SPMIP7: variants seen among roughly 807,000 people sequenced by gnomAD.
The protein encoded by SPMIP7 is protein SPMIP7.
chr7:50,107,395 AGAAAAAG>A, the SPMIP7 span, among the ~76,000 whole-genome samples: 3 of 67,102 alleles, frequency 4.5e-5, no homozygotes, highest in Admixed American at 1.8e-4. Flanking sequence ...AGAAAAGAAA[AGAAAAAG>A]AAAAAAAAAA....
At chr7:50,150,198 G>A in the SPMIP7 span, among the ~76,000 whole-genome samples, 1 of 152,194 alleles carries the variant, frequency 6.6e-6, no homozygotes, top group African/African-American at 2.4e-5. Flanking sequence ...AACCAAGGCA[G>A]CCATTGAAGA....
the SPMIP7 span, chr7:50,151,604 G>A: frequency 6.2e-6 from 8 of 1,280,604 alleles, no homozygotes; most frequent in Non-Finnish European, 8.8e-6. Context: ...CATTAGGAGG[G>A]GAAATCCTAA....
chr7:50,111,254 A>C, the SPMIP7 span, among the ~76,000 whole-genome samples: 10 of 151,912 alleles, frequency 6.6e-5, no homozygotes, highest in East Asian at 1.3e-3. Context: ...AAAAGAAAGA[A>C]AAGAGCTCTC....
At chr7:50,140,100 A>T in the SPMIP7 span, 1 of 1,349,368 alleles carries the variant, frequency 7.4e-7, no homozygotes, top group Non-Finnish European at 1.0e-6. Context: ...TTATTAACTT[A>T]ATATAAATAA....
At chr7:50,101,650 A>C in the SPMIP7 span, among the ~76,000 whole-genome samples, 6 of 152,212 alleles carry the variant, frequency 3.9e-5, no homozygotes, top group Non-Finnish European at 7.3e-5. Context: ...TAATATTAGA[A>C]TTCAAGTTTT....
At chr7:50,129,602 C>A in the SPMIP7 span, 2 of 729,446 alleles carry the variant, frequency 2.7e-6, no homozygotes, top group Non-Finnish European at 4.7e-6. Context: ...CCAAGAGGTG[C>A]GTGAAAGAAG....
chr7:50,146,649 A>G, the SPMIP7 span, among the ~76,000 whole-genome samples: 64 of 152,272 alleles, frequency 4.2e-4, 2 homozygotes, highest in East Asian at 9.6e-3. Context: ...GACAAACCCC[A>G]ACTCACAATG....
chr7:50,149,185 C>A, the SPMIP7 span, among the ~76,000 whole-genome samples: 3 of 151,876 alleles, frequency 2.0e-5, no homozygotes, highest in Non-Finnish European at 2.9e-5. Flanking sequence ...GGCATTGGTA[C>A]CTTTCAAGAT....
At chr7:50,159,158 A>G in the SPMIP7 span, 10 of 1,551,538 alleles carry the variant, frequency 6.4e-6, no homozygotes, top group East Asian at 2.4e-5. Flanking sequence ...CAAAGAAACC[A>G]TAGACTACTA....
At chr7:50,150,202 T>C in the SPMIP7 span, among the ~76,000 whole-genome samples, 3 of 152,180 alleles carry the variant, frequency 2.0e-5, no homozygotes, top group Non-Finnish European at 4.4e-5. Flanking sequence ...AAGGCAGCCA[T>C]TGAAGAACCA....
At chr7:50,154,354 G>T in the SPMIP7 span, among the ~76,000 whole-genome samples, 2 of 152,122 alleles carry the variant, frequency 1.3e-5, no homozygotes, top group Non-Finnish European at 2.9e-5. Flanking sequence ...TCTCCTGCGT[G>T]TCTGCTACTT....
chr7:50,118,445 C>A, the SPMIP7 span, among the ~76,000 whole-genome samples: 2 of 152,146 alleles, frequency 1.3e-5, no homozygotes, highest in Non-Finnish European at 2.9e-5. Flanking sequence ...ACAATAAAAA[C>A]TTCAGGTGGT....
the SPMIP7 span, among the ~76,000 whole-genome samples, chr7:50,145,610 A>ATG: frequency 1.9e-3 from 69 of 35,432 alleles, 2 homozygotes; most frequent in South Asian, 5.6e-3. Context: ...GTGTGTGTAT[A>ATG]TGTGTGTGTA....
chr7:50,100,613 C>T, the SPMIP7 span, among the ~76,000 whole-genome samples: 1 of 151,994 alleles, frequency 6.6e-6, no homozygotes, highest in Non-Finnish European at 1.5e-5. Context: ...GAGATCGAGA[C>T]CATTCAGGCT....
At chr7:50,119,962 C>G in the SPMIP7 span, among the ~76,000 whole-genome samples, 1 of 152,150 alleles carries the variant, frequency 6.6e-6, no homozygotes, top group South Asian at 2.1e-4. Flanking sequence ...CTATGTAGGC[C>G]TATGGGTGAA....
At chr7:50,098,298 C>G in the SPMIP7 span, among the ~76,000 whole-genome samples, 1 of 152,122 alleles carries the variant, frequency 6.6e-6, no homozygotes, top group African/African-American at 2.4e-5. Flanking sequence ...TCTTTATCAT[C>G]TACCAATTAA....
the SPMIP7 span, chr7:50,141,329 A>G: frequency 6.4e-7 from 1 of 1,552,192 alleles, no homozygotes; most frequent in Admixed American, 2.0e-5. Flanking sequence ...ACCCCTTGGG[A>G]GACATCGCAT....
the SPMIP7 span, among the ~76,000 whole-genome samples, chr7:50,125,847 G>A: frequency 6.6e-6 from 1 of 151,962 alleles, no homozygotes; most frequent in African/African-American, 2.4e-5. Context: ...AAAGATGTTG[G>A]TCAAAGGATA....
chr7:50,119,316 G>A, the SPMIP7 span, among the ~76,000 whole-genome samples: 21 of 152,206 alleles, frequency 1.4e-4, no homozygotes, highest in African/African-American at 5.1e-4. Context: ...CCCAGAAGCA[G>A]ATGCCATCCT....
Sources: gnomAD v4.1 joint callset for allele counts (sites outside exome capture counted in the v4.1 genomes callset) on GRCh38, gnomAD v4.1.1 for gene constraint, MANE v1.5 for transcripts, NCBI Gene and HGNC (gene_info 2026-07-23, HGNC 2026-07-21) for gene names.